EPHA4: variants seen among roughly 807,000 people sequenced by gnomAD.
EPHA4 encodes ephrin type-A receptor 4.
EPHA4 carries 19 observed loss-of-function variants against 108.3 expected under a neutral mutation model. The observed-to-expected ratio is 0.18, with a 90% confidence interval of 0.12 to 0.26. EPHA4 has a LOEUF of 0.26. EPHA4 is among the 10% of genes least tolerant of loss of function. EPHA4 has a pLI of 1.00. For missense variants in EPHA4, 917 were observed against 1,254.0 expected, an observed-to-expected ratio of 0.73 and a Z score of 4.06; for synonymous variants, 449 against 455.5, an observed-to-expected ratio of 0.99 and a Z score of 0.18.
intron 3 of EPHA4, among the ~76,000 whole-genome samples, chr2:221,529,945 C>T (rs1310250989): frequency 2.0e-5 from 3 of 152,082 alleles, no homozygotes; most frequent in Non-Finnish European, 4.4e-5. Flanking sequence ...TCCGACCTAC[C>T]ACAAAACCAC....
chr2:221,454,623 G>A (rs1327052820), intron 8 of EPHA4, among the ~76,000 whole-genome samples: 2 of 152,162 alleles, frequency 1.3e-5, no homozygotes, highest in African/African-American at 2.4e-5. Flanking sequence ...TGCCGATCAG[G>A]GAAGAGGCAG....
chr2:221,515,911 C>T (rs1341263317), intron 3 of EPHA4, among the ~76,000 whole-genome samples: 2 of 151,346 alleles, frequency 1.3e-5, no homozygotes, highest in Non-Finnish European at 2.9e-5. Context: ...GGATTTTTTC[C>T]CCCTAGCCTT....
intron 3 of EPHA4, among the ~76,000 whole-genome samples, chr2:221,534,990 C>T (rs1030453326): frequency 6.6e-6 from 1 of 152,220 alleles, no homozygotes; most frequent in East Asian, 1.9e-4. Context: ...ATCGGCAATT[C>T]GGGGTGCAGC....
intron 4 of EPHA4, among the ~76,000 whole-genome samples, chr2:221,495,341 T>C (rs932488369): frequency 6.6e-6 from 1 of 152,210 alleles, no homozygotes; most frequent in African/African-American, 2.4e-5. Context: ...TCCTGTCTCC[T>C]GACAGCCGTG....
chr2:221,449,239 GC>G (rs1690695032), intron 8 of EPHA4, among the ~76,000 whole-genome samples: 1 of 152,140 alleles, frequency 6.6e-6, no homozygotes, highest in South Asian at 2.1e-4. Context: ...ACACCTGATG[GC>G]CCTTTTGCCT....
intron 1 of EPHA4, among the ~76,000 whole-genome samples, chr2:221,569,701 A>G (rs951738944): frequency 1.8e-4 from 27 of 151,518 alleles, no homozygotes; most frequent in African/African-American, 6.5e-4. Context: ...CCTCAAAGGA[A>G]CCACTGGGTT....
At chr2:221,561,955 A>G (rs1694480975) in intron 3 of EPHA4, among the ~76,000 whole-genome samples, 1 of 152,106 alleles carries the variant, frequency 6.6e-6, no homozygotes, top group Non-Finnish European at 1.5e-5. Context: ...AGAATAATTT[A>G]CTCTAAAATG....
chr2:221,470,334 C>T (rs1183489133), intron 5 of EPHA4, among the ~76,000 whole-genome samples: 9 of 117,822 alleles, frequency 7.6e-5, no homozygotes, highest in East Asian at 7.1e-4. Flanking sequence ...AGAGAAAGGG[C>T]GGGGGGGAGA....
intron 5 of EPHA4, among the ~76,000 whole-genome samples, chr2:221,476,486 G>A (rs146573914): frequency 1.8e-4 from 27 of 152,210 alleles, no homozygotes; most frequent in Non-Finnish European, 2.9e-4. Context: ...TTTATTTACC[G>A]AAGCTAAAGA....
chr2:221,506,531 G>A (rs576638881), intron 3 of EPHA4, among the ~76,000 whole-genome samples: 1 of 152,144 alleles, frequency 6.6e-6, no homozygotes, highest in Non-Finnish European at 1.5e-5. Flanking sequence ...AAACTAATAC[G>A]CTATAGATCT....
intron 17 of EPHA4, among the ~76,000 whole-genome samples, chr2:221,421,287 G>A (rs1313245769): frequency 1.3e-5 from 2 of 151,014 alleles, no homozygotes; most frequent in Non-Finnish European, 2.9e-5. Context: ...GTGACAGAGC[G>A]AGACTCTGTC....
At chr2:221,445,393 T>C (rs923440012) in intron 9 of EPHA4, among the ~76,000 whole-genome samples, 1 of 151,888 alleles carries the variant, frequency 6.6e-6, no homozygotes, top group Admixed American at 6.6e-5. Context: ...ATGGAGACCA[T>C]CCTGGCTAAC....
intron 3 of EPHA4, among the ~76,000 whole-genome samples, chr2:221,537,790 AAAGAAG>A (rs566196650): frequency 6.6e-6 from 1 of 152,176 alleles, no homozygotes; most frequent in Non-Finnish European, 1.5e-5. Flanking sequence ...ATTCCATCGA[AAAGAAG>A]AAGAAGAAAG....
In EPHA4 at chr2:221,549,575, G is replaced by A. The variant is rs558779852; in HGVS notation, c.823+14156C>T. The stretch of plus-strand genomic sequence containing the variant: ...GGGATATTAAGTATTTTCTCAACCA[G>A]AATTCTCATTGGCAGCCAGGGCTCC... On this transcript the variant is annotated intron_variant, in intron 3 of 17. Coordinates refer to ENST00000281821, the MANE Select transcript of EPHA4 (RefSeq NM_004438.5). Among the ~76,000 whole-genome samples the A allele has an allele frequency of 2.0e-4, 30 of 152,324 alleles. No individual in the cohort carries two copies. In the East Asian group the frequency reaches 3.5e-3, roughly 18 times the overall value.
At chr2:221,566,981 A>AGAAGAG (rs1694683915) in intron 2 of EPHA4, among the ~76,000 whole-genome samples, 1 of 128,284 alleles carries the variant, frequency 7.8e-6, no homozygotes, top group Non-Finnish European at 1.7e-5. Flanking sequence ...AAGAAGAAGA[A>AGAAGAG]GAAGAAGAAG....
In EPHA4 at chr2:221,440,605, T is replaced by A. The variant is rs530425982; in HGVS notation, c.2074+2224A>T. 3.0e-4 allele frequency among the ~76,000 whole-genome samples: 44 copies of A among 145,678 alleles called. 1 individual carries two copies. The South Asian group carries it at 9.4e-3, about 31-fold the overall frequency. On this transcript the variant is annotated intron_variant, in intron 11 of 17. Transcript: ENST00000281821. Reference sequence around the variant, plus strand: ...AAATTATATATCCTTCTCACCAAGGTTCCTTTTTTTTTTTTTTTGAAAGAT... The same window carrying A: ...AAATTATATATCCTTCTCACCAAGGATCCTTTTTTTTTTTTTTTGAAAGAT...
At chr2:221,456,935 C>G (rs1690975617) in intron 6 of EPHA4, among the ~76,000 whole-genome samples, 163 bp from the exon 7 acceptor site, 1 of 152,144 alleles carries the variant, frequency 6.6e-6, no homozygotes, top group Non-Finnish European at 1.5e-5. Context: ...GTTATAAGTA[C>G]TATTGTTACT....
At chr2:221,438,211 A>T (rs1254821823) in intron 11 of EPHA4, among the ~76,000 whole-genome samples, 1 of 151,926 alleles carries the variant, frequency 6.6e-6, no homozygotes, top group Admixed American at 6.6e-5. Flanking sequence ...AATAAAAATG[A>T]TTTTAAGCTC....
intron 5 of EPHA4, among the ~76,000 whole-genome samples, chr2:221,469,764 C>T (rs1234690620): frequency 6.6e-6 from 1 of 152,112 alleles, no homozygotes; most frequent in African/African-American, 2.4e-5. Context: ...GGGCCTTGGA[C>T]CACTTATGAT....
Sources: gnomAD v4.1 joint callset for allele counts (sites outside exome capture counted in the v4.1 genomes callset) on GRCh38, gnomAD v4.1.1 for gene constraint, MANE v1.5 for transcripts, NCBI Gene and HGNC (gene_info 2026-07-23, HGNC 2026-07-21) for gene names.